The following KNDC1 variants were observed in gnomAD, a reference collection of about 807,000 sequenced individuals.
The protein encoded by KNDC1 is kinase non-catalytic C-lobe domain containing 1.
KNDC1 carries 106 observed loss-of-function variants against 172.8 expected under a neutral mutation model. The ratio of observed to expected loss-of-function variants is 0.61; its 90% confidence interval spans 0.52 to 0.72. The LOEUF is 0.72. Ranked by LOEUF, KNDC1 falls within the 30% of genes least tolerant of loss-of-function variation. The pLI is 0.00. For synonymous variants in KNDC1, 1,083 were observed against 1,062.2 expected, an observed-to-expected ratio of 1.02 and a Z score of -0.38; for missense variants, 2,325 against 2,394.5, an observed-to-expected ratio of 0.97 and a Z score of 0.61.
chr10:133,164,922 C>G (rs558295104), intron 1 of KNDC1, among the ~76,000 whole-genome samples: 6 of 152,326 alleles, frequency 3.9e-5, no homozygotes, highest in African/African-American at 4.8e-5. Context: ...GTCTGACCCC[C>G]CCTTGCTCAC....
chr10:133,204,551 C>T (rs1308786988), intron 17 of KNDC1, among the ~76,000 whole-genome samples: 1 of 152,236 alleles, frequency 6.6e-6, no homozygotes, highest in Non-Finnish European at 1.5e-5. Context: ...CTCCGTGGCA[C>T]CGCCACGGCC....
intron 29 of KNDC1, among the ~76,000 whole-genome samples, chr10:133,222,125 T>G (rs1845607680): frequency 6.7e-6 from 1 of 149,160 alleles, no homozygotes; most frequent in Non-Finnish European, 1.5e-5. Flanking sequence ...CTACTAAAAA[T>G]ACAAAAAATT....
At chr10:133,217,631 G>C (rs1845494986) in intron 26 of KNDC1, among the ~76,000 whole-genome samples, 1 of 152,192 alleles carries the variant, frequency 6.6e-6, no homozygotes, top group Non-Finnish European at 1.5e-5. Flanking sequence ...ATGAGGTCAG[G>C]AGTTCGAGAC....
intron 9 of KNDC1, among the ~76,000 whole-genome samples, chr10:133,192,553 G>A (rs149641687): frequency 4.5e-4 from 68 of 152,180 alleles, no homozygotes; most frequent in African/African-American, 1.3e-3. Flanking sequence ...TTGCAAACAC[G>A]CTTGAAACAA....
At position 133,224,224 on chromosome 10, in the gene KNDC1, T is replaced by C. The variant is rs1456362014; in HGVS notation, c.5019-435T>C. Among the ~76,000 whole-genome samples the C allele has an allele frequency of 7.2e-5, 11 of 152,208 alleles. 1 individual carries two copies. The highest frequency in any genetic ancestry group is 7.2e-4 in the Admixed American group (11 of 15,282). Reference sequence around the variant, plus strand: ...CAGCTTTCTCCATTATATTCTATGGTGTGCTGGTCACTGTCAACCAGCTGT... The same window carrying C: ...CAGCTTTCTCCATTATATTCTATGGCGTGCTGGTCACTGTCAACCAGCTGT... On this transcript the variant is annotated intron_variant, in intron 29 of 29. Transcript: ENST00000304613. This position sits in a 1 kb window ranked among gnomAD's most constrained non-coding sequence, Gnocchi z 5.4.
At chr10:133,196,071 G>A (rs1353950999) in intron 10 of KNDC1, among the ~76,000 whole-genome samples, 6 of 152,226 alleles carry the variant, frequency 3.9e-5, no homozygotes, top group African/African-American at 9.6e-5. Context: ...CACCATGGCC[G>A]TTCCTCCTGC....
chr10:133,196,354 G>A (rs1440990699), intron 10 of KNDC1, among the ~76,000 whole-genome samples: 1 of 152,134 alleles, frequency 6.6e-6, no homozygotes, highest in Non-Finnish European at 1.5e-5. Context: ...GGACCAGCGG[G>A]TGGACCAGCA....
chr10:133,215,671 C>T (rs1466768291), intron 26 of KNDC1, among the ~76,000 whole-genome samples: 8 of 152,280 alleles, frequency 5.3e-5, no homozygotes, highest in Admixed American at 3.3e-4. Flanking sequence ...TCGTCCTGGG[C>T]GCACCCTCAC....
intron 10 of KNDC1, 58 bp downstream of exon 10, chr10:133,195,879 G>A (rs923551673): frequency 5.8e-5 from 82 of 1,423,022 alleles, no homozygotes; most frequent in South Asian, 1.4e-4. Flanking sequence ...GGCAGTGGCC[G>A]CCCTCGCTGA....
Position 133,198,456 on chromosome 10 carries a change from C to T in KNDC1, c.2026C>T (p.His676Tyr). 2.5e-6 allele frequency: 4 copies of T among 1,606,064 alleles called. No individual in the cohort carries two copies. The highest frequency in any genetic ancestry group is 2.7e-5 in the African/African-American group (2 of 74,982). The change falls in exon 13 of 30, where the codon CAC becomes TAC. Residue 676 changes from histidine (H) to tyrosine (Y), a missense_variant. Physicochemically the swap from His to Tyr is moderately conservative, Grantham distance 83. Coordinates refer to ENST00000304613, the MANE Select transcript of KNDC1 (RefSeq NM_152643.8). ...TGCAGCGTTCACCTCCGAGGCCACG[C>T]ACTTCAAGCCCATTGTCCTCGCGCA... ...LPAAFTSEAT[H>Y]FKPIVLAQNA...
chr10:133,194,602 G>C (rs1854139219), intron 9 of KNDC1, among the ~76,000 whole-genome samples: 1 of 152,180 alleles, frequency 6.6e-6, no homozygotes, highest in Admixed American at 6.5e-5. Flanking sequence ...ACTCTAGTTG[G>C]CTGTTCTATG....
rs1188771703 is a variant in KNDC1, at chr10:133,183,859, T to C, written c.508-13T>C. The C allele has an allele frequency of 1.3e-6, 2 of 1,555,986 alleles. No homozygotes were observed. The highest frequency in any genetic ancestry group is 2.3e-5 in the South Asian group (2 of 85,832). On this transcript the variant is annotated splice_polypyrimidine_tract_variant and intron_variant, in intron 4 of 29. Transcript: ENST00000304613. ...CCTCCGAGCCTTCCTGTCTGAGGTG[T>C]TCCCGTCCCCAGAGCATCATCGCGC...
At chr10:133,194,478 C>G (rs1854134802) in intron 9 of KNDC1, among the ~76,000 whole-genome samples, 1 of 152,192 alleles carries the variant, frequency 6.6e-6, no homozygotes, top group Non-Finnish European at 1.5e-5. Context: ...AAACTGGGTA[C>G]AAAGTACATG....
In KNDC1 at chr10:133,203,835, G is replaced by A. The variant is rs1228869241; in HGVS notation, c.3387+1937G>A. The stretch of plus-strand genomic sequence containing the variant: ...CAAGACCGTCCTCCTCATGGAGTCC[G>A]CCTGTGGTTCCCGCGTGAGGAGCGC... On this transcript the variant is annotated intron_variant, in intron 17 of 29. Transcript: ENST00000304613. Among the ~76,000 whole-genome samples the A allele has an allele frequency of 4.6e-5, 7 of 152,224 alleles. No individual in the cohort carries two copies. The East Asian group carries it at 7.7e-4, about 17-fold the overall frequency.
Position 133,189,813 on chromosome 10 carries a change from G to T in KNDC1, c.1575G>T (p.Lys525Asn). The T allele has an allele frequency of 1.2e-6, 2 of 1,612,988 alleles. No homozygotes were observed. The change falls in exon 9 of 30, where the codon AAG (lysine) becomes AAT (asparagine). Residue 525 changes from lysine to asparagine, a missense_variant and splice_region_variant. Lys to Asn is a moderately conservative substitution (Grantham distance 94). Coordinates refer to ENST00000304613, the MANE Select transcript of KNDC1 (RefSeq NM_152643.8). ...CAGAGGAGAGGCTGGTAACTGAAAA[G>T]GTACCCGGGCCCTCCCCACCCTGCC... ...ELAEERLVTEKASVYCVAAVL... is the reference protein window; with the variant it reads ...ELAEERLVTENASVYCVAAVL...
Position 133,168,119 on chromosome 10 carries a change from T to C in KNDC1, c.302-135T>C, listed in dbSNP as rs960005058. Reference sequence around the variant, plus strand: ...GAGCTGATTTCCCTTTTTCATGGCCTAAAATGGTCTGGGGACACCAGGTCT... The same window carrying C: ...GAGCTGATTTCCCTTTTTCATGGCCCAAAATGGTCTGGGGACACCAGGTCT... On this transcript the variant is annotated intron_variant, in intron 2 of 29. Transcript: ENST00000304613. The C allele has an allele frequency of 7.8e-6, 6 of 773,382 alleles. No individual in the cohort carries two copies. The African/African-American group carries it at 1.0e-4, about 13-fold the overall frequency. 47.9% of individuals were successfully genotyped at this position (773,382 alleles called of 1,614,324 possible).
chr10:133,181,638 G>A (rs1853718784), intron 3 of KNDC1, among the ~76,000 whole-genome samples: 1 of 152,202 alleles, frequency 6.6e-6, no homozygotes, highest in Admixed American at 6.5e-5. Context: ...GGGGAGGCAG[G>A]GCCAGGCATG....
chr10:133,182,224 G>T (rs1458493577), intron 3 of KNDC1, among the ~76,000 whole-genome samples: 1 of 152,174 alleles, frequency 6.6e-6, no homozygotes, highest in African/African-American at 2.4e-5. Context: ...ACGGACTGGG[G>T]AGGTGGGTCT....
At chr10:133,205,008 C>CCACCACCCACCTCACCCCCAGAAT (rs1845147317) in intron 17 of KNDC1, among the ~76,000 whole-genome samples, 1 of 144,596 alleles carries the variant, frequency 6.9e-6, no homozygotes. Context: ...CACCCCAGAA[C>CCACCACCCACCTCACCCCCAGAAT]CACCACCCTC....
Sources: allele counts gnomAD v4.1 joint callset (sites outside exome capture counted in the v4.1 genomes callset), GRCh38; gene constraint gnomAD v4.1.1; non-coding constraint Gnocchi (gnomAD v3.1); transcripts MANE v1.5; gene names NCBI Gene and HGNC (gene_info 2026-07-23, HGNC 2026-07-21).